SEMA3C: variants seen among roughly 807,000 people sequenced by gnomAD.
The protein encoded by SEMA3C is semaphorin 3C, also known as semaphorin-3C.
A neutral mutation model predicts 89.4 loss-of-function variants in SEMA3C; 47 were observed. The observed-to-expected ratio is 0.53, with a 90% confidence interval of 0.42 to 0.67. The LOEUF is 0.67. SEMA3C is among the 30% of genes least tolerant of loss of function. The pLI is 0.00. For synonymous variants in SEMA3C, 310 were observed against 320.2 expected (o/e 0.97, Z 0.34); for missense variants, 839 against 929.1 (o/e 0.90, Z 1.26).
chr7:80,851,178 A>T (rs1181740261), intron 2 of SEMA3C, among the ~76,000 whole-genome samples: 1 of 152,036 alleles, frequency 6.6e-6, no homozygotes, highest in Non-Finnish European at 1.5e-5. Context: ...AAGAGCTTAA[A>T]TTTATTCACA....
intron 5 of SEMA3C, among the ~76,000 whole-genome samples, 160 bp downstream of exon 5, chr7:80,818,139 A>G (rs1209679625): frequency 6.6e-6 from 1 of 152,126 alleles, no homozygotes; most frequent in African/African-American, 2.4e-5. Flanking sequence ...TGATACTTCA[A>G]GTAACTTGGC....
At chr7:80,889,739 GA>G (rs927079429) in intron 2 of SEMA3C, among the ~76,000 whole-genome samples, 3 of 151,416 alleles carry the variant, frequency 2.0e-5, no homozygotes, top group South Asian at 4.2e-4. Context: ...ATTGTAAAAA[GA>G]AAAAAAAGAT....
chr7:80,805,629 G>A lies in SEMA3C; in HGVS notation c.658+10C>T, dbSNP rs1267270609. On this transcript the variant is annotated intron_variant, in intron 7 of 17. Coordinates refer to ENST00000265361, the MANE Select transcript of SEMA3C (RefSeq NM_006379.5). Reference sequence around the variant, plus strand: ...ATACTAAAAAATAAATGCATCAAATGCTTTCTTACCACTTAGCCATTTGGA... The same window carrying A: ...ATACTAAAAAATAAATGCATCAAATACTTTCTTACCACTTAGCCATTTGGA... The A allele has an allele frequency of 2.5e-6, 4 of 1,589,692 alleles. No individual in the cohort carries two copies. Among genetic ancestry groups the A allele is most frequent in the South Asian group, 1.2e-5 (1 of 85,840 alleles).
chr7:80,759,886 A>G (rs113496385), intron 14 of SEMA3C, among the ~76,000 whole-genome samples: 1,848 of 152,330 alleles, frequency 0.012, 17 homozygotes, highest in South Asian at 0.024. Context: ...ATTAGTAAAT[A>G]ATACAGCAAA....
intron 2 of SEMA3C, among the ~76,000 whole-genome samples, chr7:80,898,338 C>G (rs1028475613): frequency 6.6e-6 from 1 of 152,082 alleles, no homozygotes; most frequent in Non-Finnish European, 1.5e-5. Flanking sequence ...TGCACTCCAG[C>G]CTGGGTGACA....
intron 12 of SEMA3C, among the ~76,000 whole-genome samples, chr7:80,784,418 A>T (rs542876533): frequency 3.3e-5 from 5 of 152,152 alleles, no homozygotes; most frequent in Non-Finnish European, 5.9e-5. Flanking sequence ...TGGGAAAATA[A>T]ATAAATGTAG....
At chr7:80,910,831 A>T (rs1792129807) in intron 2 of SEMA3C, among the ~76,000 whole-genome samples, 1 of 152,044 alleles carries the variant, frequency 6.6e-6, no homozygotes, top group Non-Finnish European at 1.5e-5. Flanking sequence ...AATGCAATGA[A>T]TGATATCCAT....
chr7:80,900,294 T>C (rs1157606282), intron 2 of SEMA3C, among the ~76,000 whole-genome samples: 1 of 152,038 alleles, frequency 6.6e-6, no homozygotes, highest in Non-Finnish European at 1.5e-5. Context: ...TTTGTATTTT[T>C]AGGAGAGACG....
chr7:80,755,929 A>AG (rs1788055686), intron 15 of SEMA3C, among the ~76,000 whole-genome samples: 1 of 151,896 alleles, frequency 6.6e-6, no homozygotes, highest in Non-Finnish European at 1.5e-5. Context: ...GAAGTCAGGG[A>AG]CCTCCTCACT....
chr7:80,808,700 C>T (rs1441248046), intron 6 of SEMA3C, among the ~76,000 whole-genome samples: 1 of 152,034 alleles, frequency 6.6e-6, no homozygotes, highest in Non-Finnish European at 1.5e-5. Context: ...GCTGGCAATA[C>T]ATTAAAAAAA....
intron 2 of SEMA3C, among the ~76,000 whole-genome samples, chr7:80,865,712 T>C (rs1353915800): frequency 6.6e-6 from 1 of 152,120 alleles, no homozygotes; most frequent in Non-Finnish European, 1.5e-5. Context: ...GGAGAATCAC[T>C]TGAACCCGGG....
At chr7:80,881,379 A>G (rs906540031) in intron 2 of SEMA3C, among the ~76,000 whole-genome samples, 11 of 152,176 alleles carry the variant, frequency 7.2e-5, no homozygotes, top group Non-Finnish European at 1.5e-4. Flanking sequence ...GAAATTTGCA[A>G]TGTGTTTTAT....
At chr7:80,754,964 T>TTTTGTTTTTTTTGTTTTTTTG in intron 15 of SEMA3C, among the ~76,000 whole-genome samples, 1 of 129,196 alleles carries the variant, frequency 7.7e-6, no homozygotes, top group Non-Finnish European at 1.7e-5. Context: ...TTTGTTTTTT[T>TTTTGTTTTTTTTGTTTTTTTG]TTTTTTTGTA....
chr7:80,832,189 A>T (rs1401617582), intron 2 of SEMA3C, among the ~76,000 whole-genome samples: 1 of 152,118 alleles, frequency 6.6e-6, no homozygotes, highest in East Asian at 1.9e-4. Context: ...GTGATTCATG[A>T]TGTATAGGAA....
intron 15 of SEMA3C, among the ~76,000 whole-genome samples, chr7:80,752,453 T>C (rs1457636448): frequency 6.6e-6 from 1 of 151,820 alleles, no homozygotes; most frequent in Non-Finnish European, 1.5e-5. Flanking sequence ...CTACTAAAAA[T>C]ACAAAAATTA....
intron 15 of SEMA3C, among the ~76,000 whole-genome samples, chr7:80,756,269 A>T (rs940676516): frequency 6.6e-6 from 1 of 152,064 alleles, no homozygotes; most frequent in African/African-American, 2.4e-5. Context: ...CTATTTCTCT[A>T]ACCTCCCACA....
At chr7:80,910,756 C>T (rs1193326309) in intron 2 of SEMA3C, among the ~76,000 whole-genome samples, 2 of 147,144 alleles carry the variant, frequency 1.4e-5, no homozygotes. Flanking sequence ...TTATTTTTTA[C>T]AACCTCCTTA....
At position 80,918,099 on chromosome 7, in the gene SEMA3C, A is replaced by G. The variant is rs1465145278; in HGVS notation, c.-39+729T>C. On this transcript the variant is annotated intron_variant, in intron 1 of 17. Transcript: ENST00000265361. ...GAAACAGTTTCTTCCTGCTTCCACAACCTCTTCACCCTGTCATCCCTAAAT... is the reference window on the plus strand; with the variant it reads ...GAAACAGTTTCTTCCTGCTTCCACAGCCTCTTCACCCTGTCATCCCTAAAT... 2.6e-5 allele frequency among the ~76,000 whole-genome samples: 4 copies of G among 152,090 alleles called. No homozygotes were observed. In the East Asian group the frequency reaches 5.8e-4, roughly 22 times the overall value.
rs1339029886 is a variant in SEMA3C at position 80,802,669 on chromosome 7, T to C, written c.912A>G (p.Glu304=). 6 of 1,609,836 alleles carry C rather than the reference T, an allele frequency of 3.7e-6. No homozygotes were observed. Among genetic ancestry groups the C allele is most frequent in the Non-Finnish European group, 5.1e-6 (6 of 1,176,210 alleles). Residue 304 remains glutamate, a synonymous_variant, in exon 9 of 18, where the codon GAA becomes GAG. Coordinates refer to ENST00000265361, the MANE Select transcript of SEMA3C (RefSeq NM_006379.5). ...DEDGPETHFD[E]LEDVFLLETD... ...TTCAATCTCATATGTATGTACCTAA[T>C]TCATCAAAGTGTGTTTCTGGGCCGT...
Sources: allele counts gnomAD v4.1 joint callset (sites outside exome capture counted in the v4.1 genomes callset), GRCh38; gene constraint gnomAD v4.1.1; transcripts MANE v1.5; gene names NCBI Gene and HGNC (gene_info 2026-07-23, HGNC 2026-07-21).